Variants in TLN2 observed in about 807,000 individuals in gnomAD.
TLN2 encodes the protein talin 2, also known as talin-2.
Under a neutral mutation model 294.7 loss-of-function variants are expected in TLN2, and 118 were observed. That is an observed-to-expected ratio of 0.40 (90% CI 0.34 to 0.47). The LOEUF (loss-of-function observed/expected upper bound fraction) is 0.47. Among genes scored for constraint, TLN2 ranks in the 20% least tolerant of loss-of-function variants. The pLI is 0.84. For missense variants in TLN2, 3,083 were observed against 3,282.2 expected (o/e 0.94, Z 1.48); for synonymous variants, 1,431 against 1,304.5 (o/e 1.10, Z -2.09).
intron 9 of TLN2, among the ~76,000 whole-genome samples, chr15:62,660,440 G>C (rs573551855): frequency 1.2e-3 from 188 of 152,302 alleles, no homozygotes; most frequent in Non-Finnish European, 2.4e-3. Context: ...ACAAGGCCCA[G>C]AACAGTCAAG....
At chr15:62,466,269 G>A (rs957530304) in intron 1 of TLN2, among the ~76,000 whole-genome samples, 6 of 152,194 alleles carry the variant, frequency 3.9e-5, no homozygotes, top group East Asian at 1.9e-4. Context: ...TGTCTGGACC[G>A]AGGAGCCTAT....
intron 3 of TLN2, among the ~76,000 whole-genome samples, chr15:62,619,690 CAT>C (rs2048611924): frequency 6.6e-6 from 1 of 152,300 alleles, no homozygotes; most frequent in East Asian, 1.9e-4. Flanking sequence ...CACACAAACA[CAT>C]AGAGGAGAAT....
chr15:62,495,958 A>AC (rs1555417783), intron 1 of TLN2, among the ~76,000 whole-genome samples: 1 of 151,926 alleles, frequency 6.6e-6, no homozygotes, highest in Non-Finnish European at 1.5e-5. Flanking sequence ...AAAAAAAAAA[A>AC]CAAAAACCAA....
intron 1 of TLN2, among the ~76,000 whole-genome samples, chr15:62,547,187 T>C (rs770804026): frequency 6.6e-6 from 1 of 152,228 alleles, no homozygotes; most frequent in African/African-American, 2.4e-5. Flanking sequence ...ATTTTTAAAA[T>C]TTTTCAGCCC....
chr15:62,754,023 G>A, intron 36 of TLN2, 107 bp downstream of exon 36: 1 of 1,346,948 alleles, frequency 7.4e-7, no homozygotes, highest in Non-Finnish European at 9.7e-7. Flanking sequence ...TTCAGAGCTT[G>A]CAAAGGTAGC....
rs1273620699 is a variant in TLN2, at chr15:62,414,164, C to CAATA, written c.-238+23479_-238+23480insAATA. On this transcript the variant is annotated intron_variant, in intron 1 of 58. Coordinates refer to ENST00000636159, the MANE Select transcript of TLN2 (RefSeq NM_015059.3). The stretch of plus-strand genomic sequence containing the variant: ...AGTGAAGTGTTAGCAAAAAAAAAAA[C>CAATA]TATATATATATATATATATATATAT... 2.0e-3 allele frequency among the ~76,000 whole-genome samples: 185 copies of CAATA among 90,614 alleles called. 16 individuals are homozygous for CAATA. Among genetic ancestry groups the CAATA allele is most frequent in the African/African-American group, 6.0e-3 (160 of 26,478 alleles). 59.4% of individuals were successfully genotyped at this position (90,614 alleles called of 152,430 possible).
intron 24 of TLN2, among the ~76,000 whole-genome samples, chr15:62,718,116 C>A (rs910457957): frequency 6.6e-6 from 1 of 152,196 alleles, no homozygotes; most frequent in South Asian, 2.1e-4. Flanking sequence ...TCCCATCTAG[C>A]CTCTGTGACT....
At chr15:62,767,311 T>G (rs1156591368) in intron 41 of TLN2, among the ~76,000 whole-genome samples, 2 of 114,364 alleles carry the variant, frequency 1.7e-5, no homozygotes, top group South Asian at 3.7e-4. Flanking sequence ...TGTGGCATAT[T>G]TCATTTCTTT....
intron 11 of TLN2, among the ~76,000 whole-genome samples, chr15:62,676,659 G>C (rs572261511): frequency 1.2e-4 from 18 of 152,308 alleles, no homozygotes; most frequent in South Asian, 1.0e-3. Flanking sequence ...CTGTCGCCCA[G>C]GCCGGAGTGC....
chr15:62,574,663 ATGTTTT>A (rs1014775619), intron 1 of TLN2, among the ~76,000 whole-genome samples: 1 of 139,606 alleles, frequency 7.2e-6, no homozygotes, highest in Non-Finnish European at 1.5e-5. Flanking sequence ...TGAATACTTG[ATGTTTT>A]TGCTTACTGA....
At chr15:62,398,275 TG>T (rs945291449) in intron 1 of TLN2, among the ~76,000 whole-genome samples, 9 of 152,316 alleles carry the variant, frequency 5.9e-5, no homozygotes, top group African/African-American at 2.2e-4. Context: ...TGCCGTCATG[TG>T]AAGAAGGATG....
At position 62,415,321 on chromosome 15, in the gene TLN2, C is replaced by T. The variant is rs532088125; in HGVS notation, c.-238+24636C>T. Among the ~76,000 whole-genome samples, 15 of 141,644 alleles carry T rather than the reference C, an allele frequency of 1.1e-4. 3 individuals carry two copies. The highest frequency in any genetic ancestry group is 3.4e-3 in the Middle Eastern group (1 of 290). 92.9% of individuals were successfully genotyped at this position (141,644 alleles called of 152,430 possible). A position where few individuals can be genotyped will look rare whatever the true frequency, so the allele number is the denominator to read the frequency against. On this transcript the variant is annotated intron_variant, in intron 1 of 58. Transcript: ENST00000636159. ...GCCGTGCGAGTTTCTTCTGAGGAGA[C>T]GTAGCAAGTGGCAGGGCTGAGACAT... is the stretch of plus-strand genomic sequence containing the variant.
At chr15:62,550,741 GT>G (rs560601368) in intron 1 of TLN2, among the ~76,000 whole-genome samples, 94 of 152,174 alleles carry the variant, frequency 6.2e-4, no homozygotes, top group African/African-American at 2.0e-3. Flanking sequence ...TCCTCAAACT[GT>G]TCTTGATTTA....
chr15:62,697,446 A>T (rs993830105), intron 14 of TLN2, among the ~76,000 whole-genome samples: 13 of 152,188 alleles, frequency 8.5e-5, no homozygotes, highest in African/African-American at 3.1e-4. Context: ...TAATACCATA[A>T]ATCTATTAAG....
At chr15:62,558,149 A>G (rs2140579938) in intron 1 of TLN2, among the ~76,000 whole-genome samples, 1 of 152,346 alleles carries the variant, frequency 6.6e-6, no homozygotes, top group Admixed American at 6.5e-5. Flanking sequence ...TCGTGTTTGT[A>G]TGGGTGATAC....
intron 1 of TLN2, among the ~76,000 whole-genome samples, chr15:62,516,683 T>C (rs1375349808): frequency 2.0e-5 from 3 of 152,198 alleles, no homozygotes; most frequent in Admixed American, 2.0e-4. Flanking sequence ...GTACCATCAG[T>C]CTCTGCCCAC....
chr15:62,603,738 CG>C (rs2047189204), intron 2 of TLN2, among the ~76,000 whole-genome samples: 1 of 152,100 alleles, frequency 6.6e-6, no homozygotes, highest in African/African-American at 2.4e-5. Flanking sequence ...AAGGGAGTCA[CG>C]TTTGGGAGAA....
chr15:62,503,720 T>C (rs954705656), intron 1 of TLN2, among the ~76,000 whole-genome samples: 1 of 152,234 alleles, frequency 6.6e-6, no homozygotes, highest in African/African-American at 2.4e-5. Flanking sequence ...TAGAAGGATA[T>C]TGTCCTGTTG....
chr15:62,685,488 C>G (rs2057208924), intron 11 of TLN2, among the ~76,000 whole-genome samples: 2 of 152,008 alleles, frequency 1.3e-5, no homozygotes, highest in Admixed American at 1.3e-4. Flanking sequence ...TTTTTTTAAA[C>G]TAAATTTCTC....
Sources: allele counts gnomAD v4.1 joint callset (sites outside exome capture counted in the v4.1 genomes callset), GRCh38; gene constraint gnomAD v4.1.1; transcripts MANE v1.5; gene names NCBI Gene and HGNC (gene_info 2026-07-23, HGNC 2026-07-21).